PSPC1: variants seen among roughly 807,000 people sequenced by gnomAD.
The protein encoded by PSPC1 is paraspeckle protein 1.
Under a neutral mutation model 51.6 loss-of-function variants are expected in PSPC1, and 14 were observed. The observed-to-expected ratio is 0.27, with a 90% confidence interval of 0.18 to 0.42. PSPC1 has a LOEUF of 0.42. PSPC1 is among the 10% of genes least tolerant of loss of function. The probability of loss-of-function intolerance (pLI) is 1.00; values close to 1 mark genes in which losing one functional copy is unlikely to be tolerated. For missense variants in PSPC1, 406 were observed against 701.1 expected (o/e 0.58, Z 4.75); for synonymous variants, 193 against 231.9 (o/e 0.83, Z 1.53).
chr13:19,718,274 G>T (rs1882363570), intron 6 of PSPC1, among the ~76,000 whole-genome samples: 2 of 152,080 alleles, frequency 1.3e-5, no homozygotes, highest in African/African-American at 4.8e-5. Flanking sequence ...ATATACCCAA[G>T]TTTTCTCCCC....
chr13:19,671,409 C>T (rs1443652370), downstream of PSPC1: 1 of 804,956 alleles, frequency 1.2e-6, no homozygotes, highest in Non-Finnish European at 2.0e-6. Context: ...ACAGGCACTC[C>T]CTGGGGTAGT....
chr13:19,773,196 C>T (rs1888782413), intron 1 of PSPC1, among the ~76,000 whole-genome samples: 1 of 151,014 alleles, frequency 6.6e-6, no homozygotes, highest in African/African-American at 2.4e-5. Flanking sequence ...AATAACTTGA[C>T]TAGAAACTAT....
chr13:19,696,024 G>A (rs972694654), intron 6 of PSPC1, among the ~76,000 whole-genome samples: 6 of 152,080 alleles, frequency 3.9e-5, no homozygotes, highest in African/African-American at 1.2e-4. Context: ...TCCACGAAGC[G>A]AGGAATCTGA....
chr13:19,696,399 C>A (rs934386259), intron 6 of PSPC1, among the ~76,000 whole-genome samples: 9 of 151,972 alleles, frequency 5.9e-5, no homozygotes, highest in African/African-American at 2.2e-4. Flanking sequence ...TTTTTTGGAA[C>A]AAACAACTGT....
At chr13:19,769,055 A>T (rs1380349311) in intron 2 of PSPC1, among the ~76,000 whole-genome samples, 1 of 149,710 alleles carries the variant, frequency 6.7e-6, no homozygotes. Context: ...CACAATAATC[A>T]CTTGAACTCG....
chr13:19,759,428 T>C lies in PSPC1; in HGVS notation c.675-10A>G, dbSNP rs1433655061. 2 of 1,593,266 alleles carry C rather than the reference T, an allele frequency of 1.3e-6. No individual in the cohort carries two copies. The highest frequency in any genetic ancestry group is 3.5e-5 in the Admixed American group (2 of 57,888). On this transcript the variant is annotated splice_polypyrimidine_tract_variant and intron_variant, in intron 2 of 8. Transcript: ENST00000338910. Reference sequence around the variant, plus strand: ...GACTGGACGAGGGGTCCTGGATAGGTATAAAAGCATTCATAAAAATTAACA... The same window carrying C: ...GACTGGACGAGGGGTCCTGGATAGGCATAAAAGCATTCATAAAAATTAACA...
chr13:19,749,105 G>C (rs2138105501), intron 4 of PSPC1, among the ~76,000 whole-genome samples: 1 of 152,244 alleles, frequency 6.6e-6, no homozygotes, highest in African/African-American at 2.4e-5. Context: ...CCAGCACTTT[G>C]GGAGGCCGAG....
intron 7 of PSPC1, chr13:19,675,489 G>C (rs1221310696): frequency 6.6e-6 from 1 of 152,178 alleles, no homozygotes; most frequent in Non-Finnish European, 1.5e-5. Context: ...TTTAACCACA[G>C]AAAATGTGCC....
At chr13:19,674,881 T>C (rs1024880183) in exon 8 of PSPC1, 6 of 152,262 alleles carry the variant, frequency 3.9e-5, no homozygotes, top group East Asian at 1.9e-4. Context: ...CTGCTTTCTA[T>C]AGACTTCCAC....
chr13:19,721,871 G>A (rs1290801223), intron 6 of PSPC1, among the ~76,000 whole-genome samples: 3 of 152,108 alleles, frequency 2.0e-5, no homozygotes, highest in Admixed American at 6.6e-5. Flanking sequence ...ACTTAATCAC[G>A]TATGAAGTCT....
intron 3 of PSPC1, among the ~76,000 whole-genome samples, chr13:19,752,795 C>A (rs991839614): frequency 1.3e-5 from 2 of 150,906 alleles, no homozygotes; most frequent in African/African-American, 4.9e-5. Context: ...ACTATGTTGG[C>A]CAGGCTGGTC....
chr13:19,684,656 ATGTT>A (rs1877653912), intron 6 of PSPC1, among the ~76,000 whole-genome samples: 1 of 152,234 alleles, frequency 6.6e-6, no homozygotes, highest in Non-Finnish European at 1.5e-5. Context: ...TAATACCAAA[ATGTT>A]GTACTGGGGG....
chr13:19,757,468 C>T lies in PSPC1; in HGVS notation c.770+1855G>A, dbSNP rs1029185604. On this transcript the variant is annotated intron_variant, in intron 3 of 8. Coordinates refer to ENST00000338910, the MANE Select transcript of PSPC1 (RefSeq NM_001354909.2). ...AGTTACAGAAAAAAAGACCATCGGT[C>T]CCTCTGCCTCCCATAAAGATTTATG... is the stretch of plus-strand genomic sequence containing the variant. Among the ~76,000 whole-genome samples, 6 of 152,260 alleles carry T rather than the reference C, an allele frequency of 3.9e-5. 1 individual carries two copies. Among genetic ancestry groups the T allele is most frequent in the Admixed American group, 2.6e-4 (4 of 15,276 alleles).
At chr13:19,753,073 G>A (rs546667114) in intron 3 of PSPC1, among the ~76,000 whole-genome samples, 38 of 150,762 alleles carry the variant, frequency 2.5e-4, no homozygotes, top group African/African-American at 9.0e-4. Flanking sequence ...ACAACACCAG[G>A]AGTTCAAGAC....
intron 6 of PSPC1, among the ~76,000 whole-genome samples, chr13:19,717,623 T>C (rs1181175903): frequency 2.4e-4 from 36 of 149,332 alleles, no homozygotes; most frequent in Admixed American, 2.3e-3. Flanking sequence ...GGAAAATCGC[T>C]TGAAACCAGA....
intron 6 of PSPC1, among the ~76,000 whole-genome samples, chr13:19,687,436 C>A (rs1448728609): frequency 6.6e-6 from 1 of 152,088 alleles, no homozygotes; most frequent in Non-Finnish European, 1.5e-5. Context: ...TTGACACTGG[C>A]AAACTTTTGT....
chr13:19,678,722 G>A (rs904469879), intron 6 of PSPC1: 1 of 152,188 alleles, frequency 6.6e-6, no homozygotes, highest in Middle Eastern at 3.2e-3. Flanking sequence ...AGTAACCCAA[G>A]AGGACCCATG....
At chr13:19,734,075 C>T (rs1378812291) in intron 5 of PSPC1, among the ~76,000 whole-genome samples, 2 of 152,228 alleles carry the variant, frequency 1.3e-5, no homozygotes, top group African/African-American at 4.8e-5. Flanking sequence ...ACAGAAGATT[C>T]TATAATCTAA....
At chr13:19,727,318 C>CA (rs773401400) in intron 6 of PSPC1, among the ~76,000 whole-genome samples, 1 of 152,086 alleles carries the variant, frequency 6.6e-6, no homozygotes, top group Non-Finnish European at 1.5e-5. Flanking sequence ...CGCTTGAACC[C>CA]AGGAGGCAGA....
Sources: allele counts gnomAD v4.1 joint callset (sites outside exome capture counted in the v4.1 genomes callset), GRCh38; gene constraint gnomAD v4.1.1; transcripts MANE v1.5; gene names NCBI Gene and HGNC (gene_info 2026-07-23, HGNC 2026-07-21).